Variants in RBFOX1 observed in about 807,000 individuals in gnomAD.
RBFOX1 encodes RNA binding fox-1 homolog 1.
Under a neutral mutation model 57.7 loss-of-function variants are expected in RBFOX1, and 8 were observed. The ratio of observed to expected loss-of-function variants is 0.14; its 90% CI spans 0.08 to 0.25. The LOEUF is 0.25. RBFOX1 is among the 10% of genes least tolerant of loss of function. RBFOX1 has a pLI of 1.00. For synonymous variants in RBFOX1, 326 were observed against 222.4 expected (o/e 1.47, Z -4.15); for missense variants, 611 against 548.5 (o/e 1.11, Z -1.14).
At chr16:5,814,655 G>A (rs943952165) in intron 3 of RBFOX1, among the ~76,000 whole-genome samples, 9 of 152,204 alleles carry the variant, frequency 5.9e-5, no homozygotes, top group South Asian at 4.1e-4. Context: ...CTGGCCGGGC[G>A]CGGTGGCTCA....
Position 7,160,093 on chromosome 16 carries a change from T to G in RBFOX1, c.27+107995T>G, listed in dbSNP as rs146100976. On this transcript the variant is annotated intron_variant, in intron 4 of 15. Coordinates refer to ENST00000550418, the MANE Select transcript of RBFOX1 (RefSeq NM_018723.4). ...AAGGGACTCATAACAGTATTAGAAC[T>G]AATTTCTTACCACAACAGAATATTA... 3.9e-3 allele frequency among the ~76,000 whole-genome samples: 590 copies of G among 152,324 alleles called. 1 individual carries two copies. Among genetic ancestry groups the G allele is most frequent in the African/African-American group, 0.013 (553 of 41,568 alleles).
intron 3 of RBFOX1, among the ~76,000 whole-genome samples, chr16:6,694,942 A>T (rs940706670): frequency 6.6e-6 from 1 of 151,858 alleles, no homozygotes; most frequent in African/African-American, 2.4e-5. Flanking sequence ...GGGGGAAAGG[A>T]TGTTGCATAG....
chr16:6,757,038 A>G (rs1028462312), intron 3 of RBFOX1, among the ~76,000 whole-genome samples: 8 of 13,666 alleles, frequency 5.9e-4, no homozygotes, highest in Non-Finnish European at 7.7e-3. Flanking sequence ...GCCAACAGGT[A>G]TAAAAAAAAT....
chr16:6,273,340 GTTTTTTTTTTT>G (rs544640090), intron 1 of RBFOX1, among the ~76,000 whole-genome samples: 34 of 89,900 alleles, frequency 3.8e-4, no homozygotes, highest in African/African-American at 1.5e-3. Context: ...GTTGTTGTTG[GTTTTTTTTTTT>G]TTTTTTTTTT....
intron 2 of RBFOX1, among the ~76,000 whole-genome samples, chr16:6,364,792 C>A (rs1287345041): frequency 6.6e-6 from 1 of 152,162 alleles, no homozygotes; most frequent in Non-Finnish European, 1.5e-5. Flanking sequence ...GAAAAGTTGA[C>A]CTTTTGTTTC....
At chr16:5,994,328 A>G (rs2060455872) in intron 4 of RBFOX1, among the ~76,000 whole-genome samples, 1 of 152,050 alleles carries the variant, frequency 6.6e-6, no homozygotes, top group Non-Finnish European at 1.5e-5. Context: ...TGCCTGGCTA[A>G]TATTTGTATT....
rs1438993861 is a variant in RBFOX1, at chr16:7,504,841, T to C, written c.28-13306T>C. Among the ~76,000 whole-genome samples the C allele has an allele frequency of 3.0e-5, 4 of 135,004 alleles. No homozygotes were observed. In the East Asian group the frequency reaches 9.1e-4, roughly 31 times the overall value. The allele number at this position is 135,004 out of a possible 152,430, so 88.6% of individuals were successfully genotyped here. A position where few individuals can be genotyped will look rare whatever the true frequency, so the allele number is the denominator to read the frequency against. ...TATAGTGACTAACATTGTCTGATAC[T>C]TAGAAGGTGCTGGAAGAATACCAGC... On this transcript the variant is annotated intron_variant, in intron 4 of 15. Coordinates refer to ENST00000550418, the MANE Select transcript of RBFOX1 (RefSeq NM_018723.4).
At chr16:7,087,119 C>A (rs1161759504) in intron 4 of RBFOX1, among the ~76,000 whole-genome samples, 1 of 152,160 alleles carries the variant, frequency 6.6e-6, no homozygotes. Flanking sequence ...CTTGACCTGA[C>A]TGGATGCTGC....
intron 4 of RBFOX1, among the ~76,000 whole-genome samples, chr16:5,986,771 G>A (rs1025257074): frequency 6.6e-6 from 1 of 152,162 alleles, no homozygotes; most frequent in East Asian, 1.9e-4. Context: ...CAGTTGCACT[G>A]TTCACTTGTT....
chr16:6,038,062 T>A (rs920886709), intron 1 of RBFOX1: 2 of 152,138 alleles, frequency 1.3e-5, no homozygotes, highest in Non-Finnish European at 2.9e-5. Flanking sequence ...TCTACAGATA[T>A]CCCTATATTT....
chr16:5,475,772 A>G (rs1437980037), intron 2 of RBFOX1, among the ~76,000 whole-genome samples: 1 of 152,232 alleles, frequency 6.6e-6, no homozygotes, highest in East Asian at 1.9e-4. Flanking sequence ...GGCAGAGCCA[A>G]GAGTGCCTGG....
At chr16:6,819,181 T>A (rs2090769243) in intron 3 of RBFOX1, among the ~76,000 whole-genome samples, 1 of 152,128 alleles carries the variant, frequency 6.6e-6, no homozygotes, top group African/African-American at 2.4e-5. Flanking sequence ...TACACTGGAG[T>A]GTCCTAACAT....
chr16:6,208,637 C>G (rs1477514315), intron 1 of RBFOX1, among the ~76,000 whole-genome samples: 1 of 152,190 alleles, frequency 6.6e-6, no homozygotes, highest in African/African-American at 2.4e-5. Flanking sequence ...TAGCGCTGCA[C>G]AGTGGCCATG....
intron 4 of RBFOX1, among the ~76,000 whole-genome samples, chr16:7,129,799 A>T (rs2069705491): frequency 7.1e-6 from 1 of 140,904 alleles, no homozygotes; most frequent in Non-Finnish European, 1.5e-5. Flanking sequence ...CACTGAAAAA[A>T]AAAATGAGTG....
At chr16:6,148,144 C>G (rs1428061997) in intron 1 of RBFOX1, among the ~76,000 whole-genome samples, 1 of 152,192 alleles carries the variant, frequency 6.6e-6, no homozygotes, top group African/African-American at 2.4e-5. Context: ...GCCCGGCAAA[C>G]ATGGTGAAAC....
At chr16:6,139,536 C>T (rs1167610183) in intron 1 of RBFOX1, among the ~76,000 whole-genome samples, 2 of 152,118 alleles carry the variant, frequency 1.3e-5, no homozygotes, top group Non-Finnish European at 1.5e-5. Context: ...ATCCCAAGAG[C>T]CCACTGGTCT....
At chr16:5,429,015 C>A (rs1023956648) in intron 1 of RBFOX1, among the ~76,000 whole-genome samples, 2 of 152,056 alleles carry the variant, frequency 1.3e-5, no homozygotes, top group Admixed American at 6.5e-5. Flanking sequence ...AATGGAAGTA[C>A]CAGGGAGGTT....
intron 1 of RBFOX1, among the ~76,000 whole-genome samples, chr16:6,093,896 A>G (rs967982499): frequency 6.6e-6 from 1 of 152,090 alleles, no homozygotes; most frequent in Non-Finnish European, 1.5e-5. Flanking sequence ...CTGAGATTAC[A>G]GACTGGAGCC....
intron 3 of RBFOX1, among the ~76,000 whole-genome samples, chr16:6,711,256 C>G (rs111588598): frequency 3.3e-5 from 5 of 152,300 alleles, no homozygotes; most frequent in African/African-American, 1.2e-4. Flanking sequence ...TCTGCTTTCA[C>G]TGTTTTGTCT....
Sources: gnomAD v4.1 joint callset for allele counts (sites outside exome capture counted in the v4.1 genomes callset) on GRCh38, gnomAD v4.1.1 for gene constraint, MANE v1.5 for transcripts, NCBI Gene and HGNC (gene_info 2026-07-23, HGNC 2026-07-21) for gene names.